GPATCH2: variants seen among roughly 807,000 people sequenced by gnomAD.
GPATCH2 encodes G-patch domain containing 2.
Under a neutral mutation model 58.0 loss-of-function variants are expected in GPATCH2, and 51 were observed. The ratio of observed to expected loss-of-function variants is 0.88; its 90% CI spans 0.70 to 1.11. GPATCH2 has a LOEUF of 1.11. GPATCH2 is among the 50% of genes most tolerant of loss of function. GPATCH2 has a pLI of 0.00. For synonymous variants in GPATCH2, 222 were observed against 218.5 expected, an observed-to-expected ratio of 1.02 and a Z score of -0.14; for missense variants, 625 against 652.2, an observed-to-expected ratio of 0.96 and a Z score of 0.45.
rs1006336768 is a variant in GPATCH2, at chr1:217,608,896, A to G, written c.1098+1425T>C. 4.1e-6 allele frequency: 4 copies of G among 982,304 alleles called. No homozygotes were observed. The African/African-American group carries it at 7.0e-5, about 17-fold the overall frequency. 60.8% of individuals were successfully genotyped at this position (982,304 alleles called of 1,614,324 possible). On this transcript the variant is annotated intron_variant, in intron 5 of 9. Coordinates refer to ENST00000366935, the MANE Select transcript of GPATCH2 (RefSeq NM_018040.5). ...ACCATTTTTAATCTCTCCAAATTAG[A>G]CAAGCAATCTAAAAGAAGATGTCAC...
chr1:217,511,481 A>T (rs1662847577), intron 6 of GPATCH2, among the ~76,000 whole-genome samples: 1 of 152,174 alleles, frequency 6.6e-6, no homozygotes, highest in Admixed American at 6.5e-5. Flanking sequence ...TGAACACCTT[A>T]GTTTTTCTAC....
chr1:217,431,067 A>C lies in GPATCH2; in HGVS notation c.*78T>G, dbSNP rs1022145916. The C allele has an allele frequency of 2.5e-6, 2 of 816,206 alleles. No individual in the cohort carries two copies. The highest frequency in any genetic ancestry group is 4.3e-6 in the Non-Finnish European group (2 of 462,452). The allele number at this position is 816,206 out of a possible 1,614,324, so 50.6% of individuals were successfully genotyped here. ...GAGGCAATGTAGATTTTTGCTTCAA[A>C]AACAGAAGTCATGTTATCATTTTAG... On this transcript the variant is annotated 3_prime_UTR_variant, in exon 10 of 10. Transcript: ENST00000366935.
chr1:217,427,877 A>G lies in GPATCH2; in HGVS notation c.*3268T>C, dbSNP rs1317341844. On this transcript the variant is annotated 3_prime_UTR_variant, in exon 10 of 10. Transcript: ENST00000366935. ...TGTATACTGCACACAGGCATTATAA[A>G]TACACCTATAGGTACACATTATGTA... is the stretch of plus-strand genomic sequence containing the variant. 6.6e-6 allele frequency: 1 copy of G among 152,184 alleles called. No homozygotes were observed. Among genetic ancestry groups the G allele is most frequent in the African/African-American group, 2.4e-5 (1 of 41,456 alleles). 9.4% of individuals were successfully genotyped at this position (152,184 alleles called of 1,614,324 possible).
chr1:217,481,650 G>T (rs1009228363), intron 8 of GPATCH2, among the ~76,000 whole-genome samples: 1 of 152,116 alleles, frequency 6.6e-6, no homozygotes, highest in African/African-American at 2.4e-5. Context: ...TTGAGGCCAG[G>T]AGTTCAAGAC....
At chr1:217,433,360 TCA>T (rs1491447665) in intron 9 of GPATCH2, among the ~76,000 whole-genome samples, 1 of 123,830 alleles carries the variant, frequency 8.1e-6, no homozygotes, top group African/African-American at 3.7e-5. Flanking sequence ...TTTAAGCTGT[TCA>T]TATATATATA....
At chr1:217,449,155 T>C in intron 9 of GPATCH2, 94 bp downstream of exon 9, 2 of 752,398 alleles carry the variant, frequency 2.7e-6, no homozygotes, top group South Asian at 1.5e-5. Flanking sequence ...GTGCTTCTTC[T>C]TCATTGCAAG....
At chr1:217,559,906 T>C (rs914313118) in intron 5 of GPATCH2, among the ~76,000 whole-genome samples, 15 of 151,920 alleles carry the variant, frequency 9.9e-5, no homozygotes, top group African/African-American at 3.6e-4. Flanking sequence ...GAGAGGTCTA[T>C]ACCCCTCACT....
chr1:217,628,505 G>A (rs1316012390), intron 1 of GPATCH2, among the ~76,000 whole-genome samples: 2 of 151,914 alleles, frequency 1.3e-5, no homozygotes, highest in Middle Eastern at 3.4e-3. Context: ...CTAAGTTCAA[G>A]ACTAACAAAC....
intron 5 of GPATCH2, chr1:217,610,037 C>A: frequency 6.9e-7 from 1 of 1,439,466 alleles, no homozygotes; most frequent in South Asian, 1.6e-5. Flanking sequence ...CCCATCTTTT[C>A]ATCAAAGAGG....
intron 8 of GPATCH2, among the ~76,000 whole-genome samples, chr1:217,479,078 A>G (rs1389100038): frequency 1.3e-5 from 2 of 152,188 alleles, no homozygotes; most frequent in African/African-American, 2.4e-5. Flanking sequence ...CTCCCAGACA[A>G]ACAAAACCTG....
chr1:217,591,376 T>C (rs1024912079), intron 5 of GPATCH2, among the ~76,000 whole-genome samples: 1 of 152,044 alleles, frequency 6.6e-6, no homozygotes, highest in African/African-American at 2.4e-5. Context: ...AATAGTAAAA[T>C]TTCCCTGGTA....
chr1:217,605,074 TA>T (rs1472085117), intron 5 of GPATCH2, among the ~76,000 whole-genome samples: 1 of 152,100 alleles, frequency 6.6e-6, no homozygotes, highest in African/African-American at 2.4e-5. Context: ...TGTAAAAGGC[TA>T]TAAAGTAGAC....
intron 5 of GPATCH2, among the ~76,000 whole-genome samples, chr1:217,592,418 A>G (rs142508965): frequency 0.018 from 2,794 of 152,046 alleles, 42 homozygotes; most frequent in Middle Eastern, 0.088. Flanking sequence ...AAATTTATAT[A>G]ATAGCACAGA....
chr1:217,566,637 T>C (rs1666251505), intron 5 of GPATCH2, among the ~76,000 whole-genome samples: 1 of 152,256 alleles, frequency 6.6e-6, no homozygotes, highest in African/African-American at 2.4e-5. Context: ...TTTGTTTACT[T>C]TCCTTCATTA....
At position 217,485,086 on chromosome 1, in the gene GPATCH2, T is replaced by C. The variant is rs1571785225; in HGVS notation, c.1277+6594A>G. ...CAAAATGGAGAAGTAGGAAAGTTGGTGGAGTAATTCAGCTGAAAGCTAGGG... is the reference window on the plus strand; with the variant it reads ...CAAAATGGAGAAGTAGGAAAGTTGGCGGAGTAATTCAGCTGAAAGCTAGGG... On this transcript the variant is annotated intron_variant, in intron 8 of 9. Transcript: ENST00000366935. 4.6e-5 allele frequency among the ~76,000 whole-genome samples: 7 copies of C among 152,236 alleles called. 1 individual carries two copies. The South Asian group carries it at 1.4e-3, about 32-fold the overall frequency.
chr1:217,515,534 C>T (rs575415619), intron 5 of GPATCH2, among the ~76,000 whole-genome samples: 2 of 151,936 alleles, frequency 1.3e-5, no homozygotes, highest in Non-Finnish European at 2.9e-5. Flanking sequence ...ACGGTGAAAC[C>T]CCATCTCTAT....
At position 217,448,089 on chromosome 1, in the gene GPATCH2, A is replaced by C. The variant is rs562378720; in HGVS notation, c.1366+1160T>G. On this transcript the variant is annotated intron_variant, in intron 9 of 9. Transcript: ENST00000366935. ...TTCCAGCCTGGGTGACAAGGGTGAA[A>C]CTCTGTCTCAGAAAAAAAAAAAAAA... is the stretch of plus-strand genomic sequence containing the variant. Among the ~76,000 whole-genome samples the C allele has an allele frequency of 1.8e-3, 270 of 146,766 alleles. 1 individual carries two copies. Among genetic ancestry groups the C allele is most frequent in the Middle Eastern group, 0.014 (4 of 284 alleles).
intron 8 of GPATCH2, among the ~76,000 whole-genome samples, chr1:217,484,223 C>G (rs760132908): frequency 7.2e-5 from 11 of 152,062 alleles, no homozygotes; most frequent in Non-Finnish European, 1.0e-4. Context: ...TGAGCCTCTT[C>G]TAATCAATTG....
intron 5 of GPATCH2, among the ~76,000 whole-genome samples, chr1:217,564,230 G>T (rs1313588633): frequency 1.3e-5 from 2 of 152,184 alleles, no homozygotes; most frequent in Non-Finnish European, 2.9e-5. Context: ...TGCAAATTGA[G>T]CAAGAGGACC....
Sources: gnomAD v4.1 joint callset for allele counts (sites outside exome capture counted in the v4.1 genomes callset) on GRCh38, gnomAD v4.1.1 for gene constraint, MANE v1.5 for transcripts, NCBI Gene and HGNC (gene_info 2026-07-23, HGNC 2026-07-21) for gene names.